The following SFMBT2 variants were observed in gnomAD, a reference collection of about 807,000 sequenced individuals.
SFMBT2 encodes Scm like with four mbt domains 2.
In SFMBT2, 38 loss-of-function variants were observed where a neutral mutation model predicts 110.1. The observed-to-expected ratio is 0.35, with a 90% CI of 0.27 to 0.45. The LOEUF is 0.45. Among genes scored for constraint, SFMBT2 ranks in the 20% least tolerant of loss-of-function variants. The pLI is 1.00. For missense variants in SFMBT2, 1,011 were observed against 1,094.9 expected, an observed-to-expected ratio of 0.92 and a Z score of 1.08; for synonymous variants, 425 against 425.4, an observed-to-expected ratio of 1.00 and a Z score of 0.01.
intron 4 of SFMBT2, among the ~76,000 whole-genome samples, chr10:7,334,086 C>T (rs1843643977): frequency 6.6e-6 from 1 of 152,202 alleles, no homozygotes; most frequent in South Asian, 2.1e-4. Context: ...CCCCTGCCTC[C>T]GACAACAGGG....
chr10:7,256,982 C>T (rs1476723534), intron 7 of SFMBT2, among the ~76,000 whole-genome samples: 1 of 151,564 alleles, frequency 6.6e-6, no homozygotes, highest in Admixed American at 6.6e-5. Flanking sequence ...ATCCCAGCTA[C>T]TGCGGAGGCT....
intron 11 of SFMBT2, chr10:7,214,623 C>T (rs987943869): frequency 4.0e-5 from 39 of 985,498 alleles, no homozygotes; most frequent in East Asian, 1.1e-4. Context: ...AAACTACACA[C>T]GTAGCGGACC....
intron 16 of SFMBT2, among the ~76,000 whole-genome samples, chr10:7,180,268 G>A (rs893732722): frequency 5.3e-5 from 8 of 151,752 alleles, no homozygotes; most frequent in African/African-American, 1.9e-4. Context: ...GGGAATACAG[G>A]TGCCCACCAC....
Position 7,404,271 on chromosome 10 carries a change from T to C in SFMBT2, c.-52+6590A>G, listed in dbSNP as rs142906918. Reference sequence around the variant, plus strand: ...TTAAGTTATACCTAAAACAAGACTTTGTAGGAACCTAGAGTTGGAATTCCA... The same window carrying C: ...TTAAGTTATACCTAAAACAAGACTTCGTAGGAACCTAGAGTTGGAATTCCA... On this transcript the variant is annotated intron_variant, in intron 1 of 20. Coordinates refer to ENST00000397167, the MANE Select transcript of SFMBT2 (RefSeq NM_001387889.1). Among the ~76,000 whole-genome samples the C allele has an allele frequency of 3.8e-3, 581 of 152,346 alleles. 3 individuals carry two copies. The highest frequency in any genetic ancestry group is 0.014 in the African/African-American group (572 of 41,572).
At chr10:7,251,009 A>G (rs1840787051) in intron 7 of SFMBT2, among the ~76,000 whole-genome samples, 1 of 152,196 alleles carries the variant, frequency 6.6e-6, no homozygotes, top group African/African-American at 2.4e-5. Flanking sequence ...CAAAGATTCA[A>G]AGTTAATTTG....
intron 10 of SFMBT2, among the ~76,000 whole-genome samples, chr10:7,223,675 T>C (rs940023246): frequency 6.6e-6 from 1 of 152,246 alleles, no homozygotes; most frequent in Admixed American, 6.5e-5. Context: ...CTCTTTTTTA[T>C]AGTTTCTACT....
chr10:7,335,551 AC>A (rs970691638), intron 4 of SFMBT2, among the ~76,000 whole-genome samples: 1 of 150,728 alleles, frequency 6.6e-6, no homozygotes, highest in Non-Finnish European at 1.5e-5. Flanking sequence ...AAAAAGTAAC[AC>A]CTTAAAAGAT....
At position 7,163,916 on chromosome 10, in the gene SFMBT2, G is replaced by A; in HGVS notation, c.2545-6C>T. On this transcript the variant is annotated splice_region_variant and splice_polypyrimidine_tract_variant and intron_variant, in intron 20 of 20. Coordinates refer to ENST00000397167, the MANE Select transcript of SFMBT2 (RefSeq NM_001387889.1). This position sits in a 1 kb window ranked among gnomAD's most constrained non-coding sequence, Gnocchi z 4.8. ...AGTGCTTGGCCGTCAATATCCTGCA[G>A]GAAAAGAAAGGCAGGTTAGAGAAGG... The A allele has an allele frequency of 6.2e-7, 1 of 1,611,362 alleles. No individual in the cohort carries two copies. Among genetic ancestry groups the A allele is most frequent in the South Asian group, 1.1e-5 (1 of 90,754 alleles).
chr10:7,195,100 G>T (rs2131590082), intron 15 of SFMBT2, among the ~76,000 whole-genome samples: 3 of 152,362 alleles, frequency 2.0e-5, no homozygotes, highest in Middle Eastern at 6.8e-3. Context: ...AAAACAGGCA[G>T]AAATACAGGC....
At position 7,228,703 on chromosome 10, in the gene SFMBT2, CTTTCTTTCTTTCTTTCTTTCTT is replaced by C. The variant is rs1839982138; in HGVS notation, c.1121-788_1121-767del. 8.3e-5 allele frequency among the ~76,000 whole-genome samples: 11 copies of C among 133,114 alleles called. 2 individuals are homozygous for C. The South Asian group carries it at 2.5e-3, about 31-fold the overall frequency. The allele number at this position is 133,114 out of a possible 152,430, so 87.3% of individuals were successfully genotyped here. A position where few individuals can be genotyped will look rare whatever the true frequency, so the allele number is the denominator to read the frequency against. On this transcript the variant is annotated intron_variant, in intron 9 of 20. Coordinates refer to ENST00000397167, the MANE Select transcript of SFMBT2 (RefSeq NM_001387889.1). Reference sequence around the variant, plus strand: ...TCTTTCTTTCTTTCTTTCTTTCTTTCTTTCTTTCTTTCTTTCTTTCTTTCTTTCTTTCCTTTCTCTCTCTCTC... The same window carrying C: ...TCTTTCTTTCTTTCTTTCTTTCTTTCTCTTTCTTTCCTTTCTCTCTCTCTC...
In SFMBT2 at chr10:7,171,537, G is replaced by A. The variant is rs1837871570; in HGVS notation, c.2415+358C>T. The A allele has an allele frequency of 2.0e-5, 20 of 985,314 alleles. No individual in the cohort carries two copies. Among genetic ancestry groups the A allele is most frequent in the Non-Finnish European group, 2.4e-5 (20 of 829,944 alleles). 61.0% of individuals were successfully genotyped at this position (985,314 alleles called of 1,614,324 possible). A position where few individuals can be genotyped will look rare whatever the true frequency, so the allele number is the denominator to read the frequency against. Reference sequence around the variant, plus strand: ...AACATCACAGAGGTGTCCTATAGAGGGGACGTGGGAGCAAGACACAGCGCA... The same window carrying A: ...AACATCACAGAGGTGTCCTATAGAGAGGACGTGGGAGCAAGACACAGCGCA... On this transcript the variant is annotated intron_variant, in intron 19 of 20. Transcript: ENST00000397167. The surrounding 1 kb of genome is among the most constrained non-coding windows in gnomAD (Gnocchi z 4.9).
Position 7,391,055 on chromosome 10 carries a change from G to A in SFMBT2, c.-51-9106C>T, listed in dbSNP as rs578031657. Among the ~76,000 whole-genome samples the A allele has an allele frequency of 9.4e-4, 143 of 152,166 alleles. 2 individuals carry two copies. The highest frequency in any genetic ancestry group is 1.2e-3 in the Non-Finnish European group (83 of 68,020). ...GCTAAGGTTGCAGTGAGCTGAGATC[G>A]CACCATTGCACTCCAGCCTGGGCAA... On this transcript the variant is annotated intron_variant, in intron 1 of 20. Transcript: ENST00000397167.
At chr10:7,229,057 T>A (rs1840033432) in intron 9 of SFMBT2, among the ~76,000 whole-genome samples, 1 of 152,108 alleles carries the variant, frequency 6.6e-6, no homozygotes, top group Non-Finnish European at 1.5e-5. Context: ...AGTCCAACTG[T>A]GATTCACTGA....
At chr10:7,297,097 T>C (rs954899234) in intron 4 of SFMBT2, among the ~76,000 whole-genome samples, 2 of 152,196 alleles carry the variant, frequency 1.3e-5, no homozygotes, top group Admixed American at 6.5e-5. Context: ...TCCTAACACA[T>C]TGCCCTACCG....
chr10:7,276,299 A>G (rs1012044052), intron 7 of SFMBT2, among the ~76,000 whole-genome samples: 3 of 152,202 alleles, frequency 2.0e-5, no homozygotes, highest in African/African-American at 7.2e-5. Context: ...TAGACTTGCT[A>G]TATTTCCTTT....
chr10:7,260,241 T>A (rs1841151786), intron 7 of SFMBT2, among the ~76,000 whole-genome samples: 1 of 152,116 alleles, frequency 6.6e-6, no homozygotes, highest in Admixed American at 6.5e-5. Context: ...TAAAGGGCCT[T>A]CTCACACAAA....
intron 20 of SFMBT2, among the ~76,000 whole-genome samples, chr10:7,169,356 C>T (rs967907741): frequency 4.6e-5 from 7 of 152,140 alleles, no homozygotes; most frequent in Admixed American, 3.3e-4. Flanking sequence ...TTGGACTTCT[C>T]GGGACACAGG....
At chr10:7,410,580 G>A (rs1480094156) in intron 1 of SFMBT2, among the ~76,000 whole-genome samples, 1 of 152,208 alleles carries the variant, frequency 6.6e-6, no homozygotes, top group Admixed American at 6.5e-5. Flanking sequence ...GACCCGGGAA[G>A]CAAAAATGAC....
intron 6 of SFMBT2, among the ~76,000 whole-genome samples, chr10:7,281,586 A>G (rs1407281901): frequency 1.3e-5 from 2 of 152,212 alleles, no homozygotes; most frequent in Non-Finnish European, 1.5e-5. Flanking sequence ...ATCAATTTAT[A>G]CAAATACAAA....
Sources: allele counts gnomAD v4.1 joint callset (sites outside exome capture counted in the v4.1 genomes callset), GRCh38; gene constraint gnomAD v4.1.1; non-coding constraint Gnocchi (gnomAD v3.1); transcripts MANE v1.5; gene names NCBI Gene and HGNC (gene_info 2026-07-23, HGNC 2026-07-21).